RUFY1: variants seen among roughly 807,000 people sequenced by gnomAD.
RUFY1 encodes RUN and FYVE domain containing 1.
RUFY1 carries 54 observed loss-of-function variants against 94.6 expected under a neutral mutation model. The observed-to-expected ratio is 0.57, with a 90% CI of 0.46 to 0.72. RUFY1 has a LOEUF of 0.72. RUFY1 is among the 30% of genes least tolerant of loss of function. The probability of loss-of-function intolerance (pLI) is 0.00; values close to 1 mark genes in which losing one functional copy is unlikely to be tolerated. For missense variants in RUFY1, 883 were observed against 883.9 expected, an observed-to-expected ratio of 1.00 and a Z score of 0.01; for synonymous variants, 396 against 347.3, an observed-to-expected ratio of 1.14 and a Z score of -1.56.
chr5:179,577,036 G>C (rs756000091), intron 5 of RUFY1, 39 bp from the exon 6 acceptor site: 31 of 1,312,270 alleles, frequency 2.4e-5, no homozygotes, highest in Non-Finnish European at 3.3e-5. Flanking sequence ...ATGAAAAATA[G>C]GACATTTTAT....
At chr5:179,596,464 AC>A in intron 12 of RUFY1, 97 bp from the exon 13 acceptor site, 1 of 1,443,800 alleles carries the variant, frequency 6.9e-7, no homozygotes, top group Non-Finnish European at 9.7e-7. Context: ...AGTTAATTTT[AC>A]TGTATGGTAA....
intron 8 of RUFY1, chr5:179,586,211 GC>G: frequency 2.3e-6 from 1 of 427,020 alleles, no homozygotes; most frequent in East Asian, 5.9e-5. Flanking sequence ...CCTCCCTGCT[GC>G]CCCAGAAAGC....
intron 10 of RUFY1, among the ~76,000 whole-genome samples, chr5:179,592,063 G>C (rs1217874027): frequency 6.6e-6 from 1 of 151,948 alleles, no homozygotes; most frequent in African/African-American, 2.4e-5. Context: ...CTCTGCCTCA[G>C]CCTCCCGAGT....
At chr5:179,552,868 AG>A (rs905992285) in intron 1 of RUFY1, among the ~76,000 whole-genome samples, 53 of 152,382 alleles carry the variant, frequency 3.5e-4, no homozygotes, top group Admixed American at 1.5e-3. Context: ...TAGAAACAAT[AG>A]CCAACACTTA....
At position 179,593,702 on chromosome 5, in the gene RUFY1, G is replaced by A. The variant is rs1244128337; in HGVS notation, c.1413+57G>A. On this transcript the variant is annotated intron_variant, in intron 11 of 17. Coordinates refer to ENST00000319449, the MANE Select transcript of RUFY1 (RefSeq NM_025158.5). ...CTGGTTTCTGCTGCTCGCCAGTCTT[G>A]TGTCATTCTTCTTACAAAATGAGCG... The A allele has an allele frequency of 3.2e-6, 5 of 1,576,308 alleles. No individual in the cohort carries two copies. The Admixed American group carries it at 9.4e-5, about 30-fold the overall frequency.
rs776697899 is a variant in RUFY1 at position 179,596,538 on chromosome 5, C to T, written c.1512-24C>T. ...TCCTTACAAAGATTTGCTTCATTTG[C>T]ACTCTTGCTGGTGTCGCATCCAGGT... is the stretch of plus-strand genomic sequence containing the variant. On this transcript the variant is annotated intron_variant, in intron 12 of 17. Transcript: ENST00000319449. 9 of 1,613,660 alleles carry T rather than the reference C, an allele frequency of 5.6e-6. 1 individual carries two copies. In the South Asian group the frequency reaches 9.9e-5, roughly 18 times the overall value.
At chr5:179,596,436 C>A in intron 12 of RUFY1, 126 bp from the exon 13 acceptor site, 1 of 1,192,820 alleles carries the variant, frequency 8.4e-7, no homozygotes, top group African/African-American at 1.5e-5. Context: ...TGAATCTCCA[C>A]GTGTTAAAAC....
At chr5:179,555,621 CTTTTTTTTTTTTTT>C (rs10556244) in intron 1 of RUFY1, 5 of 249,710 alleles carry the variant, frequency 2.0e-5, no homozygotes, top group Non-Finnish European at 2.9e-5. Context: ...AAACTCCCAA[CTTTTTTTTTTTTTT>C]TTTTTTTTTT....
intron 1 of RUFY1, chr5:179,555,707 A>C (rs1762084213): frequency 2.6e-6 from 1 of 389,004 alleles, no homozygotes; most frequent in African/African-American, 2.4e-5. Flanking sequence ...GGGTCACGGC[A>C]ACCTCCGCCT....
At chr5:179,593,794 C>T in intron 11 of RUFY1, 149 bp downstream of exon 11, 2 of 1,282,488 alleles carry the variant, frequency 1.6e-6, no homozygotes, top group Non-Finnish European at 2.1e-6. Context: ...TTTTGATCCT[C>T]ATGGCAGTCC....
rs542930768 is a variant in RUFY1 at position 179,560,587 on chromosome 5, G to A, written c.484+389G>A. Among the ~76,000 whole-genome samples, 450 of 151,446 alleles carry A rather than the reference G, an allele frequency of 3.0e-3. 3 individuals are homozygous for A. Among genetic ancestry groups the A allele is most frequent in the Non-Finnish European group, 5.3e-3 (356 of 67,798 alleles). On this transcript the variant is annotated intron_variant, in intron 2 of 17. Coordinates refer to ENST00000319449, the MANE Select transcript of RUFY1 (RefSeq NM_025158.5). The stretch of plus-strand genomic sequence containing the variant: ...AAAAAATACAAAAAATTAGCTGGGC[G>A]TGGTAGCGGGCGCCTGTAGTCCCAG...
chr5:179,599,914 G>A (rs534952460), intron 14 of RUFY1, among the ~76,000 whole-genome samples: 5 of 152,362 alleles, frequency 3.3e-5, no homozygotes, highest in East Asian at 1.9e-4. Context: ...CGATTCGAGC[G>A]AGTCAGGAAA....
chr5:179,580,646 G>A (rs1764086479), intron 6 of RUFY1, among the ~76,000 whole-genome samples: 1 of 151,980 alleles, frequency 6.6e-6, no homozygotes, highest in Non-Finnish European at 1.5e-5. Context: ...AGTAGTATAA[G>A]GGTTGTGTCG....
At chr5:179,600,098 T>G (rs945735774) in intron 14 of RUFY1, 1 of 152,228 alleles carries the variant, frequency 6.6e-6, no homozygotes, top group Admixed American at 6.5e-5. Flanking sequence ...TCAGAATGCT[T>G]CTGTCAAAAG....
rs1218758762 is a variant in RUFY1, at chr5:179,609,668, G to A, written c.*149G>A. ...TGGCACTCCAGAAGACAGCGTGCCG[G>A]AACCGGCAGCTCTCACCTTTCTGTG... On this transcript the variant is annotated 3_prime_UTR_variant, in exon 18 of 18. Transcript: ENST00000319449. 1.4e-6 allele frequency: 1 copy of A among 720,456 alleles called. No individual in the cohort carries two copies. The allele number at this position is 720,456 out of a possible 1,614,324, so 44.6% of individuals were successfully genotyped here. A position where few individuals can be genotyped will look rare whatever the true frequency, so the allele number is the denominator to read the frequency against.
At chr5:179,576,650 A>G (rs984826905) in intron 5 of RUFY1, among the ~76,000 whole-genome samples, 1 of 151,968 alleles carries the variant, frequency 6.6e-6, no homozygotes, top group Non-Finnish European at 1.5e-5. Flanking sequence ...CGAACTCCTG[A>G]CCTCAGGCAA....
At chr5:179,583,469 T>G (rs1312274372) in intron 7 of RUFY1, among the ~76,000 whole-genome samples, 13 of 148,674 alleles carry the variant, frequency 8.7e-5, no homozygotes. Flanking sequence ...CAGGCTGGAG[T>G]GCAGTAGCGC....
Position 179,601,934 on chromosome 5 carries a change from A to G in RUFY1, c.1804A>G (p.Ile602Val), listed in dbSNP as rs1299205385. ...GGACGAGAAGGCAGAGCTGCAGAAG[A>G]TCTGCGAGGAGCAGGAACAAGCCCT... Reference protein sequence around the residue: ...LQDEKAELQKICEEQEQALQE... With the variant: ...LQDEKAELQKVCEEQEQALQE... Residue 602 changes from isoleucine to valine, a missense_variant, in exon 15 of 18, where the codon ATC becomes GTC. By Grantham distance (29) the Ile-to-Val change is conservative. Coordinates refer to ENST00000319449, the MANE Select transcript of RUFY1 (RefSeq NM_025158.5). 1 of 1,613,830 alleles carries G rather than the reference A, an allele frequency of 6.2e-7. No homozygotes were observed. Among genetic ancestry groups the G allele is most frequent in the East Asian group, 2.2e-5 (1 of 44,878 alleles).
In RUFY1 at chr5:179,591,375, G is replaced by A. The variant is rs554779443; in HGVS notation, c.1129-250G>A. Among the ~76,000 whole-genome samples the A allele has an allele frequency of 1.0e-3, 151 of 150,862 alleles. No individual in the cohort carries two copies. The Middle Eastern group carries it at 0.01, about 10-fold the overall frequency. ...AATTGTTTGTGTTTTTAGTAGAGAC[G>A]GGGTTTCACCATGTTAGCCAGGATG... On this transcript the variant is annotated intron_variant, in intron 9 of 17. Coordinates refer to ENST00000319449, the MANE Select transcript of RUFY1 (RefSeq NM_025158.5).
Sources: gnomAD v4.1 joint callset for allele counts (sites outside exome capture counted in the v4.1 genomes callset) on GRCh38, gnomAD v4.1.1 for gene constraint, MANE v1.5 for transcripts, NCBI Gene and HGNC (gene_info 2026-07-23, HGNC 2026-07-21) for gene names.